PPP1R16B: variants seen among roughly 807,000 people sequenced by gnomAD.
PPP1R16B encodes protein phosphatase 1 regulatory subunit 16B.
A neutral mutation model predicts 61.7 loss-of-function variants in PPP1R16B; 14 were observed. The ratio of observed to expected loss-of-function variants is 0.23; its 90% CI spans 0.15 to 0.35. The LOEUF (loss-of-function observed/expected upper bound fraction) is 0.35, where lower values mean the gene tolerates loss of function less well. Ranked by LOEUF, PPP1R16B falls within the 10% of genes least tolerant of loss-of-function variation. The pLI, the probability that PPP1R16B is intolerant of heterozygous loss-of-function variation, is 1.00. For synonymous variants in PPP1R16B, 266 were observed against 305.3 expected, an observed-to-expected ratio of 0.87 and a Z score of 1.34; for missense variants, 547 against 752.5, an observed-to-expected ratio of 0.73 and a Z score of 3.19.
At chr20:38,902,921 C>T in intron 6 of PPP1R16B, 129 bp downstream of exon 6, 1 of 1,409,028 alleles carries the variant, frequency 7.1e-7, no homozygotes, top group Non-Finnish European at 9.6e-7. Flanking sequence ...TCCTTTTGGG[C>T]CAGGATTGCC....
chr20:38,853,984 G>A (rs1601258062), intron 2 of PPP1R16B, among the ~76,000 whole-genome samples: 1 of 152,184 alleles, frequency 6.6e-6, no homozygotes, highest in East Asian at 1.9e-4. Flanking sequence ...GTCAGTGTGG[G>A]AAGAGTCTAT....
intron 2 of PPP1R16B, among the ~76,000 whole-genome samples, chr20:38,854,114 GGCACATCATGTT>G (rs1174491994): frequency 2.0e-5 from 3 of 152,074 alleles, no homozygotes; most frequent in African/African-American, 7.2e-5. Flanking sequence ...GATAACCCTG[GGCACATCATGTT>G]GCTCGAACAC....
At chr20:38,882,315 T>C (rs1020077697) in intron 2 of PPP1R16B, among the ~76,000 whole-genome samples, 9 of 152,136 alleles carry the variant, frequency 5.9e-5, no homozygotes, top group Non-Finnish European at 1.0e-4. Flanking sequence ...GTGGTGTTGA[T>C]GAGGGAGGCT....
At chr20:38,844,078 T>G (rs2084923725) in intron 2 of PPP1R16B, among the ~76,000 whole-genome samples, 1 of 152,366 alleles carries the variant, frequency 6.6e-6, no homozygotes, top group Non-Finnish European at 1.5e-5. Flanking sequence ...AATCCATTGG[T>G]CTGTCTGGCA....
At chr20:38,912,890 G>A (rs1186554971) in intron 10 of PPP1R16B, among the ~76,000 whole-genome samples, 1 of 152,096 alleles carries the variant, frequency 6.6e-6, no homozygotes, top group African/African-American at 2.4e-5. Context: ...TCTGAGACAA[G>A]GTCTCACTCT....
At chr20:38,822,520 T>TTG (rs2084779531) in intron 1 of PPP1R16B, among the ~76,000 whole-genome samples, 1 of 149,564 alleles carries the variant, frequency 6.7e-6, no homozygotes, top group African/African-American at 2.5e-5. Context: ...TTTTTTTTTT[T>TTG]TTTTTTCTGT....
intron 2 of PPP1R16B, among the ~76,000 whole-genome samples, chr20:38,864,382 CAGGG>C (rs2085076473): frequency 6.6e-6 from 1 of 152,154 alleles, no homozygotes. Context: ...AATGAAAAGT[CAGGG>C]AGAGGAAGAG....
chr20:38,909,997 T>G (rs1443982026), intron 10 of PPP1R16B, among the ~76,000 whole-genome samples: 19 of 152,192 alleles, frequency 1.2e-4, no homozygotes, highest in Non-Finnish European at 2.6e-4. Context: ...TATTTTTTTA[T>G]GATATGGAGC....
chr20:38,822,717 A>C (rs908841815), intron 1 of PPP1R16B, among the ~76,000 whole-genome samples: 1 of 152,160 alleles, frequency 6.6e-6, no homozygotes, highest in Admixed American at 6.6e-5. Flanking sequence ...AATAGGATTT[A>C]AATTAAAAAT....
At chr20:38,881,157 C>T (rs983479643) in intron 2 of PPP1R16B, among the ~76,000 whole-genome samples, 8 of 152,146 alleles carry the variant, frequency 5.3e-5, no homozygotes, top group South Asian at 2.1e-4. Context: ...GGCAGAGGGG[C>T]GGGCTGCACC....
rs531021440 is a variant in PPP1R16B, at chr20:38,917,193, G to A, written c.1195-964G>A. On this transcript the variant is annotated intron_variant, in intron 10 of 10. Transcript: ENST00000299824. ...TGCCTGTAATCCCAGCTACTCGGGA[G>A]GCTGAGGCAGGAGAATTGCTTGAAC... 2.0e-5 allele frequency among the ~76,000 whole-genome samples: 3 copies of A among 152,070 alleles called. No homozygotes were observed. The East Asian group carries it at 5.8e-4, about 29-fold the overall frequency.
At chr20:38,859,928 TTAA>T (rs1191064726) in intron 2 of PPP1R16B, among the ~76,000 whole-genome samples, 5 of 152,248 alleles carry the variant, frequency 3.3e-5, no homozygotes, top group African/African-American at 1.2e-4. Context: ...ATAAAACTTA[TTAA>T]TGAGAGATTT....
chr20:38,860,198 C>T (rs1297808015), intron 2 of PPP1R16B, among the ~76,000 whole-genome samples: 1 of 152,186 alleles, frequency 6.6e-6, no homozygotes, highest in Non-Finnish European at 1.5e-5. Context: ...AAACTTCTGA[C>T]CTCAGGTGAT....
chr20:38,907,958 A>G lies in PPP1R16B; in HGVS notation c.1028+23A>G. The stretch of plus-strand genomic sequence containing the variant: ...TGGGTGAGTCCGGGGCAGGGCAGCC[A>G]GGAGTCCCTGTGTGTGCTCCTGCCT... On this transcript the variant is annotated intron_variant, in intron 9 of 10. Coordinates refer to ENST00000299824, the MANE Select transcript of PPP1R16B (RefSeq NM_015568.4). The surrounding 1 kb of genome is among the most constrained non-coding windows in gnomAD (Gnocchi z 4.5). The G allele has an allele frequency of 6.2e-7, 1 of 1,614,064 alleles. No homozygotes were observed. The highest frequency in any genetic ancestry group is 8.5e-7 in the Non-Finnish European group (1 of 1,179,964).
chr20:38,885,743 TA>T (rs2085239948), intron 2 of PPP1R16B, among the ~76,000 whole-genome samples: 1 of 152,202 alleles, frequency 6.6e-6, no homozygotes. Flanking sequence ...GAGGTGCAAA[TA>T]AAAGGCTTAG....
chr20:38,815,287 T>A (rs1362619135), intron 1 of PPP1R16B, among the ~76,000 whole-genome samples: 1 of 152,198 alleles, frequency 6.6e-6, no homozygotes, highest in Non-Finnish European at 1.5e-5. Flanking sequence ...TATACAAAAC[T>A]CTCCTGAGAT....
At chr20:38,820,356 C>T (rs560172235) in intron 1 of PPP1R16B, among the ~76,000 whole-genome samples, 325 of 151,968 alleles carry the variant, frequency 2.1e-3, no homozygotes, top group Non-Finnish European at 3.9e-3. Flanking sequence ...GTCAGGAGTT[C>T]GAGACCAGCC....
intron 2 of PPP1R16B, among the ~76,000 whole-genome samples, chr20:38,879,494 T>A (rs909264760): frequency 1.3e-5 from 2 of 152,236 alleles, no homozygotes; most frequent in African/African-American, 4.8e-5. Context: ...AAAGATTAAC[T>A]GCAGGCCTAC....
intron 2 of PPP1R16B, among the ~76,000 whole-genome samples, chr20:38,870,583 C>T (rs569015698): frequency 6.6e-6 from 1 of 152,184 alleles, no homozygotes; most frequent in South Asian, 2.1e-4. Context: ...ATAGCACAAG[C>T]AGGGGCCCTG....
Sources: gnomAD v4.1 joint callset for allele counts (sites outside exome capture counted in the v4.1 genomes callset) on GRCh38, gnomAD v4.1.1 for gene constraint, Gnocchi (gnomAD v3.1) non-coding constraint, MANE v1.5 for transcripts, NCBI Gene and HGNC (gene_info 2026-07-23, HGNC 2026-07-21) for gene names.